The following DCC variants were observed in gnomAD, a reference collection of about 807,000 sequenced individuals.
The protein encoded by DCC is netrin receptor DCC.
In DCC, 58 loss-of-function variants were observed where a neutral mutation model predicts 172.5. That is an observed-to-expected ratio of 0.34 (90% confidence interval 0.27 to 0.42). The LOEUF is 0.42. Among genes scored for constraint, DCC ranks in the 10% least tolerant of loss-of-function variants. DCC has a pLI of 1.00. For missense variants in DCC, 1,740 were observed against 1,791.0 expected, an observed-to-expected ratio of 0.97 and a Z score of 0.51; for synonymous variants, 709 against 644.5, an observed-to-expected ratio of 1.10 and a Z score of -1.52.
At chr18:52,795,880 G>A (rs1365072121) in intron 2 of DCC, among the ~76,000 whole-genome samples, 2 of 151,736 alleles carry the variant, frequency 1.3e-5, no homozygotes, top group African/African-American at 4.8e-5. Flanking sequence ...TAATTTCCAT[G>A]TAGTTGTACA....
At chr18:53,080,258 T>G (rs1002866935) in intron 7 of DCC, among the ~76,000 whole-genome samples, 1 of 152,088 alleles carries the variant, frequency 6.6e-6, no homozygotes, top group Non-Finnish European at 1.5e-5. Flanking sequence ...TTGACTTAAC[T>G]GAATGGATGG....
At chr18:52,776,491 C>T (rs761636173) in intron 2 of DCC, among the ~76,000 whole-genome samples, 49 of 152,040 alleles carry the variant, frequency 3.2e-4, no homozygotes, top group Non-Finnish European at 6.2e-4. Flanking sequence ...GTCAAGAGTT[C>T]TAGAGTATCC....
At chr18:52,957,740 G>A (rs1376797615) in intron 5 of DCC, among the ~76,000 whole-genome samples, 2 of 152,076 alleles carry the variant, frequency 1.3e-5, no homozygotes, top group Non-Finnish European at 2.9e-5. Flanking sequence ...AGGCCAGGAG[G>A]TATAGAGAGT....
At chr18:52,756,426 C>G (rs1297846825) in intron 2 of DCC, among the ~76,000 whole-genome samples, 9 of 152,166 alleles carry the variant, frequency 5.9e-5, no homozygotes, top group African/African-American at 1.9e-4. Flanking sequence ...TTCTTTGTCT[C>G]CCTTCTACTC....
At position 52,766,395 on chromosome 18, in the gene DCC, G is replaced by T. The variant is rs1194654088; in HGVS notation, c.412+14021G>T. Among the ~76,000 whole-genome samples, 6 of 152,322 alleles carry T rather than the reference G, an allele frequency of 3.9e-5. No individual in the cohort carries two copies. In the East Asian group the frequency reaches 1.2e-3, roughly 29 times the overall value. ...TACCCTCTGCCAACTAAGGCAAAGA[G>T]CCAGTGTGACAGCCTCCTGTATCTG... On this transcript the variant is annotated intron_variant, in intron 2 of 28. Coordinates refer to ENST00000442544, the MANE Select transcript of DCC (RefSeq NM_005215.4).
Position 52,926,964 on chromosome 18 carries a change from G to GATATATATATACATATATATGGAT in DCC, c.985+1603_985+1604insTACATATATATGGATATATATATA, listed in dbSNP as rs34799526. Among the ~76,000 whole-genome samples, 185 of 137,642 alleles carry GATATATATATACATATATATGGAT rather than the reference G, an allele frequency of 1.3e-3. 3 individuals are homozygous for GATATATATATACATATATATGGAT. Among genetic ancestry groups the GATATATATATACATATATATGGAT allele is most frequent in the Non-Finnish European group, 2.2e-3 (141 of 63,224 alleles). The allele number at this position is 137,642 out of a possible 152,430, so 90.3% of individuals were successfully genotyped here. ...GTATATGATATATACACTATATATG[G>GATATATATATACATATATATGGAT]ATATATATACATATATATGGATATA... On this transcript the variant is annotated intron_variant, in intron 5 of 28. Transcript: ENST00000442544.
chr18:53,378,950 A>G (rs1261340525), intron 15 of DCC, among the ~76,000 whole-genome samples: 2 of 152,250 alleles, frequency 1.3e-5, no homozygotes, highest in South Asian at 4.1e-4. Context: ...ATAAAGGAGT[A>G]TATGTAATGA....
At position 53,360,200 on chromosome 18, in the gene DCC, T is replaced by C. The variant is rs964013035; in HGVS notation, c.2359+20293T>C. ...TTTAATCAGTACTTTGTTAGACAAATGTGGAAAATAAGATACTGTATATCT... is the reference window on the plus strand; with the variant it reads ...TTTAATCAGTACTTTGTTAGACAAACGTGGAAAATAAGATACTGTATATCT... On this transcript the variant is annotated intron_variant, in intron 15 of 28. Coordinates refer to ENST00000442544, the MANE Select transcript of DCC (RefSeq NM_005215.4). Among the ~76,000 whole-genome samples the C allele has an allele frequency of 1.3e-4, 20 of 152,118 alleles. 1 individual carries two copies. Among genetic ancestry groups the C allele is most frequent in the Non-Finnish European group, 5.9e-5 (4 of 68,020 alleles).
At chr18:52,948,803 C>T (rs1342536666) in intron 5 of DCC, among the ~76,000 whole-genome samples, 1 of 152,128 alleles carries the variant, frequency 6.6e-6, no homozygotes, top group South Asian at 2.1e-4. Flanking sequence ...ATATCATTTC[C>T]TTTAATCCTC....
intron 2 of DCC, among the ~76,000 whole-genome samples, chr18:52,864,697 C>T (rs1029697928): frequency 2.6e-5 from 4 of 151,954 alleles, no homozygotes; most frequent in Non-Finnish European, 5.9e-5. Flanking sequence ...CCAATCCCCC[C>T]AACAGGCCCC....
chr18:53,008,655 A>G (rs555609378), intron 5 of DCC, among the ~76,000 whole-genome samples: 58 of 152,122 alleles, frequency 3.8e-4, no homozygotes, highest in Admixed American at 1.0e-3. Flanking sequence ...TTTCTGAAGT[A>G]TGCCATTATT....
At chr18:53,342,462 TTATC>T (rs2057670203) in intron 15 of DCC, among the ~76,000 whole-genome samples, 2 of 151,862 alleles carry the variant, frequency 1.3e-5, no homozygotes, top group Admixed American at 6.6e-5. Context: ...ATTGATCTAT[TTATC>T]TATCAATTTA....
chr18:53,114,210 G>T (rs896285798), intron 7 of DCC, among the ~76,000 whole-genome samples: 3 of 151,174 alleles, frequency 2.0e-5, no homozygotes, highest in Admixed American at 6.6e-5. Context: ...TTGAATCCTG[G>T]CAGTGCTTTA....
intron 5 of DCC, among the ~76,000 whole-genome samples, chr18:53,007,444 A>G (rs2041663069): frequency 6.6e-6 from 1 of 152,118 alleles, no homozygotes; most frequent in South Asian, 2.1e-4. Context: ...ATCAAAATAT[A>G]TTGTCTGGAA....
chr18:52,425,984 T>G (rs1987412014), intron 1 of DCC, among the ~76,000 whole-genome samples: 1 of 152,116 alleles, frequency 6.6e-6, no homozygotes, highest in African/African-American at 2.4e-5. Context: ...ACCCTAAACA[T>G]TAGGCTCAAG....
At chr18:52,402,732 C>T (rs1163812297) in intron 1 of DCC, among the ~76,000 whole-genome samples, 1 of 151,936 alleles carries the variant, frequency 6.6e-6, no homozygotes, top group Non-Finnish European at 1.5e-5. Flanking sequence ...CTAGTGTCAT[C>T]ATTAATTAGT....
chr18:52,558,751 C>G (rs991805769), intron 1 of DCC, among the ~76,000 whole-genome samples: 1 of 152,058 alleles, frequency 6.6e-6, no homozygotes, highest in South Asian at 2.1e-4. Flanking sequence ...AAATGAAAAA[C>G]AAAGAGTGCA....
intron 2 of DCC, among the ~76,000 whole-genome samples, chr18:52,864,929 G>A (rs1051015785): frequency 6.6e-6 from 1 of 151,742 alleles, no homozygotes; most frequent in Non-Finnish European, 1.5e-5. Flanking sequence ...GCAGTGGCAT[G>A]ATCTTGGCTC....
chr18:53,525,005 G>T (rs987168566), intron 27 of DCC, among the ~76,000 whole-genome samples: 2 of 151,910 alleles, frequency 1.3e-5, no homozygotes, highest in Non-Finnish European at 2.9e-5. Flanking sequence ...CCCTCATTTG[G>T]ATAACTATTT....
Sources: gnomAD v4.1 joint callset for allele counts (sites outside exome capture counted in the v4.1 genomes callset) on GRCh38, gnomAD v4.1.1 for gene constraint, MANE v1.5 for transcripts, NCBI Gene and HGNC (gene_info 2026-07-23, HGNC 2026-07-21) for gene names.